The following RPRD2 variants were observed in gnomAD, a reference collection of about 807,000 sequenced individuals.
RPRD2 encodes the protein regulation of nuclear pre-mRNA domain containing 2, also known as regulation of nuclear pre-mRNA domain-containing protein 2.
Under a neutral mutation model 104.4 loss-of-function variants are expected in RPRD2, and 12 were observed. The ratio of observed to expected loss-of-function variants is 0.11; its 90% CI spans 0.07 to 0.19. The LOEUF is 0.19. RPRD2 is among the 10% of genes least tolerant of loss of function. The probability of loss-of-function intolerance (pLI) is 1.00; values close to 1 mark genes in which losing one functional copy is unlikely to be tolerated. For synonymous variants in RPRD2, 714 were observed against 684.9 expected (o/e 1.04, Z -0.66); for missense variants, 1,543 against 1,790.1 (o/e 0.86, Z 2.49).
At chr1:150,390,492 C>T (rs834236) in intron 1 of RPRD2, among the ~76,000 whole-genome samples, 49,967 of 151,542 alleles carry the variant, frequency 0.33, 8,940 homozygotes, top group Non-Finnish European at 0.4. Flanking sequence ...AGTGAGACTC[C>T]GTCTCAAAAA....
rs752662984 is a variant in RPRD2 at position 150,473,140 on chromosome 1, C to G, written c.4192C>G (p.Pro1398Ala). Residue 1398 changes from proline to alanine, a missense_variant, in exon 11 of 11, where the codon CCC (proline) becomes GCC (alanine). Pro to Ala is a conservative substitution (Grantham distance 27). Transcript: ENST00000369068. ...AGGCAGCAACAGCAGCAGTGGCCCC[C>G]CCTTGGGTCCCTCACACAGAGACAC... ...GGGSNSSSGP[P>A]LGPSHRDTIS... is the part of the protein sequence containing the mutation. 15 of 1,613,858 alleles carry G rather than the reference C, an allele frequency of 9.3e-6. No homozygotes were observed. The highest frequency in any genetic ancestry group is 8.3e-5 in the Admixed American group (5 of 60,002).
chr1:150,373,761 A>G (rs1215795325), intron 1 of RPRD2, among the ~76,000 whole-genome samples: 4 of 152,152 alleles, frequency 2.6e-5, no homozygotes, highest in East Asian at 1.9e-4. Context: ...GTATATTCAT[A>G]GAGTTGTTCA....
chr1:150,426,465 T>C (rs1350978522), intron 2 of RPRD2, among the ~76,000 whole-genome samples: 1 of 152,186 alleles, frequency 6.6e-6, no homozygotes, highest in Non-Finnish European at 1.5e-5. Context: ...TTAGGGATGC[T>C]GTGAGGATTA....
chr1:150,462,643 G>A (rs1267196635), intron 9 of RPRD2, among the ~76,000 whole-genome samples: 2 of 151,666 alleles, frequency 1.3e-5, no homozygotes, highest in Admixed American at 6.6e-5. Context: ...TGCAAGCTCC[G>A]CCTCCCAGGT....
Position 150,464,693 on chromosome 1 carries a change from C to T in RPRD2, c.1578C>T (p.Ser526=). Residue 526 remains serine (S), a synonymous_variant, in exon 10 of 11, where the codon TCC becomes TCT. Transcript: ENST00000369068. The part of the protein sequence containing the change: ...ITPESILSAL[S]KTQTQSAPAL... ...CAGAGAGCATTCTGTCTGCACTTTC[C>T]AAAACCCAGACACAGTCAGCCCCTG... The T allele has an allele frequency of 1.2e-6, 2 of 1,613,008 alleles. No individual in the cohort carries two copies. The highest frequency in any genetic ancestry group is 1.7e-6 in the Non-Finnish European group (2 of 1,179,468).
At chr1:150,408,434 A>G (rs1553887038) in intron 1 of RPRD2, among the ~76,000 whole-genome samples, 2 of 152,094 alleles carry the variant, frequency 1.3e-5, no homozygotes, top group East Asian at 3.9e-4. Flanking sequence ...GATTATAGGC[A>G]TGAGCCACCG....
At position 150,379,869 on chromosome 1, in the gene RPRD2, A is replaced by G. The variant is rs587682320; in HGVS notation, c.205+14950A>G. ...TTTCATATAGTAAATAGCCATAGCT[A>G]TAACCCACAAAAACATAACTCTTTG... On this transcript the variant is annotated intron_variant, in intron 1 of 10. Transcript: ENST00000369068. Among the ~76,000 whole-genome samples the G allele has an allele frequency of 3.3e-5, 5 of 152,340 alleles. No homozygotes were observed. The East Asian group carries it at 5.8e-4, about 18-fold the overall frequency.
intron 2 of RPRD2, among the ~76,000 whole-genome samples, chr1:150,440,236 A>G (rs1223994539): frequency 1.3e-5 from 2 of 151,864 alleles, no homozygotes; most frequent in East Asian, 3.9e-4. Flanking sequence ...CAAACTCCTG[A>G]CCTCAGGCAA....
chr1:150,397,078 A>G (rs1662587350), intron 1 of RPRD2, among the ~76,000 whole-genome samples: 1 of 152,050 alleles, frequency 6.6e-6, no homozygotes, highest in African/African-American at 2.4e-5. Context: ...GATTCAAGCA[A>G]TTCTCCTACC....
intron 1 of RPRD2, among the ~76,000 whole-genome samples, chr1:150,386,721 T>C (rs1286248725): frequency 6.6e-6 from 1 of 152,188 alleles, no homozygotes; most frequent in Admixed American, 6.6e-5. Flanking sequence ...GATCACTTTT[T>C]ACTGACATAT....
intron 1 of RPRD2, among the ~76,000 whole-genome samples, chr1:150,406,532 G>A (rs1439053868): frequency 6.6e-6 from 1 of 152,030 alleles, no homozygotes; most frequent in Non-Finnish European, 1.5e-5. Context: ...TCAGCCTCTT[G>A]AGTAGCTGAG....
At chr1:150,372,506 G>GACACACACACACACAC (rs143656895) in intron 1 of RPRD2, among the ~76,000 whole-genome samples, 1,817 of 150,288 alleles carry the variant, frequency 0.012, 24 homozygotes, top group African/African-American at 0.03. Context: ...CACACACACA[G>GACACACACACACACAC]ACACACACAC....
chr1:150,397,498 C>T (rs1195218681), intron 1 of RPRD2, among the ~76,000 whole-genome samples: 5 of 152,120 alleles, frequency 3.3e-5, no homozygotes, highest in Non-Finnish European at 4.4e-5. Context: ...GAACCCCTTT[C>T]GTCTGTGACC....
chr1:150,365,062 C>G, intron 1 of RPRD2, 143 bp downstream of exon 1: 1 of 746,534 alleles, frequency 1.3e-6, no homozygotes, highest in Non-Finnish European at 2.2e-6. Context: ...GGTCCCAAAC[C>G]CAGACTCCAT....
At chr1:150,455,975 T>C (rs1319731040) in intron 7 of RPRD2, among the ~76,000 whole-genome samples, 1 of 152,076 alleles carries the variant, frequency 6.6e-6, no homozygotes, top group Non-Finnish European at 1.5e-5. Flanking sequence ...TACAGGCGCA[T>C]GCTACTATGC....
In RPRD2 at chr1:150,473,499, A is replaced by G. The variant is rs1297734611; in HGVS notation, c.*165A>G. 7 of 474,314 alleles carry G rather than the reference A, an allele frequency of 1.5e-5. No individual in the cohort carries two copies. The highest frequency in any genetic ancestry group is 2.1e-5 in the Non-Finnish European group (6 of 284,338). 29.4% of individuals were successfully genotyped at this position (474,314 alleles called of 1,614,324 possible). On this transcript the variant is annotated 3_prime_UTR_variant, in exon 11 of 11. Transcript: ENST00000369068. Reference sequence around the variant, plus strand: ...AAATCACATACGCTTACGTTTTACTATTCAATTCAATCCTCCCTCCCATTG... The same window carrying G: ...AAATCACATACGCTTACGTTTTACTGTTCAATTCAATCCTCCCTCCCATTG...
intron 1 of RPRD2, among the ~76,000 whole-genome samples, chr1:150,399,713 C>T (rs1000888630): frequency 6.6e-6 from 1 of 150,690 alleles, no homozygotes; most frequent in East Asian, 2.0e-4. Flanking sequence ...GCAGAGATCA[C>T]GCCACTGCAC....
intron 1 of RPRD2, among the ~76,000 whole-genome samples, chr1:150,370,015 C>G (rs1021326134): frequency 5.3e-5 from 8 of 151,854 alleles, no homozygotes; most frequent in South Asian, 2.1e-4. Context: ...CTCCTGACTT[C>G]AAGTGATTCG....
intron 1 of RPRD2, 108 bp from the exon 2 acceptor site, chr1:150,417,488 G>A (rs1478672104): frequency 5.1e-6 from 4 of 784,264 alleles, no homozygotes; most frequent in Non-Finnish European, 3.7e-6. Flanking sequence ...ATCCATGTAA[G>A]AAAAAAAAAA....
Sources: allele counts gnomAD v4.1 joint callset (sites outside exome capture counted in the v4.1 genomes callset), GRCh38; gene constraint gnomAD v4.1.1; transcripts MANE v1.5; gene names NCBI Gene and HGNC (gene_info 2026-07-23, HGNC 2026-07-21).